The following PCDH9 variants were observed in gnomAD, a reference collection of about 807,000 sequenced individuals.
The protein encoded by PCDH9 is protocadherin-9.
PCDH9 carries 24 observed loss-of-function variants against 70.6 expected under a neutral mutation model. The ratio of observed to expected loss-of-function variants is 0.34; its 90% CI spans 0.25 to 0.48. The LOEUF is 0.48. Ranked by LOEUF, PCDH9 falls within the 20% of genes least tolerant of loss-of-function variation. The pLI, the probability that PCDH9 is intolerant of heterozygous loss-of-function variation, is 0.99. For missense variants in PCDH9, 1,281 were observed against 1,503.6 expected (o/e 0.85, Z 2.45); for synonymous variants, 562 against 558.5 (o/e 1.01, Z -0.09).
At chr13:66,334,800 C>T (rs919100058) in intron 4 of PCDH9, among the ~76,000 whole-genome samples, 1 of 151,938 alleles carries the variant, frequency 6.6e-6, no homozygotes, top group Non-Finnish European at 1.5e-5. Context: ...AAAAAAATTT[C>T]TTTTGATTCA....
At chr13:66,340,411 T>C (rs1956105850) in intron 4 of PCDH9, among the ~76,000 whole-genome samples, 1 of 152,182 alleles carries the variant, frequency 6.6e-6, no homozygotes, top group Non-Finnish European at 1.5e-5. Context: ...CCCAAACTAA[T>C]GGGCTTAAAT....
In PCDH9 at chr13:66,953,151, T is replaced by C. The variant is rs561763974; in HGVS notation, c.3037-49546A>G. On this transcript the variant is annotated intron_variant, in intron 2 of 4. Transcript: ENST00000377865. ...TTGAGAAAAAAATAAAGCCAGAACA[T>C]GTATTCACAAACATACATATATAAA... Among the ~76,000 whole-genome samples, 16 of 152,180 alleles carry C rather than the reference T, an allele frequency of 1.1e-4. No individual in the cohort carries two copies. In the South Asian group the frequency reaches 2.9e-3, roughly 28 times the overall value.
chr13:66,619,601 T>G (rs2077398533), intron 4 of PCDH9, among the ~76,000 whole-genome samples: 1 of 152,162 alleles, frequency 6.6e-6, no homozygotes, highest in Non-Finnish European at 1.5e-5. Context: ...GATAATTAAA[T>G]GTAGTAATTT....
chr13:66,332,515 G>A (rs1025053693), intron 4 of PCDH9, among the ~76,000 whole-genome samples: 1 of 152,078 alleles, frequency 6.6e-6, no homozygotes, highest in African/African-American at 2.4e-5. Context: ...ACAGACTGCA[G>A]TGCTGGTCTC....
At chr13:66,840,830 A>G in intron 3 of PCDH9, among the ~76,000 whole-genome samples, 1 of 152,240 alleles carries the variant, frequency 6.6e-6, no homozygotes, top group East Asian at 1.9e-4. Context: ...AGAGCAAAAC[A>G]GCTGGGAAAT....
chr13:66,646,955 G>A (rs1332694436), intron 3 of PCDH9, among the ~76,000 whole-genome samples: 1 of 152,144 alleles, frequency 6.6e-6, no homozygotes, highest in Non-Finnish European at 1.5e-5. Flanking sequence ...CCCTGTCACA[G>A]TGGAAAGCAA....
intron 4 of PCDH9, among the ~76,000 whole-genome samples, chr13:66,590,952 A>C (rs1025556736): frequency 2.6e-5 from 4 of 151,620 alleles, no homozygotes; most frequent in Non-Finnish European, 4.4e-5. Flanking sequence ...AACCCAAAAC[A>C]TGTGGTTCTG....
At chr13:66,823,799 T>C (rs2080759861) in intron 3 of PCDH9, among the ~76,000 whole-genome samples, 1 of 152,166 alleles carries the variant, frequency 6.6e-6, no homozygotes, top group Non-Finnish European at 1.5e-5. Context: ...TTGTACATTT[T>C]ATTTTCAGAC....
intron 3 of PCDH9, among the ~76,000 whole-genome samples, chr13:66,723,161 T>C (rs2078964128): frequency 6.6e-6 from 1 of 152,074 alleles, no homozygotes; most frequent in Non-Finnish European, 1.5e-5. Flanking sequence ...CATTTTCTAA[T>C]TAATATTCTA....
chr13:67,149,101 T>C (rs959830849), intron 2 of PCDH9, among the ~76,000 whole-genome samples: 1 of 152,170 alleles, frequency 6.6e-6, no homozygotes, highest in African/African-American at 2.4e-5. Flanking sequence ...ACCATAGCCC[T>C]TATAGACCGA....
At chr13:66,315,711 C>T (rs1474933313) in intron 4 of PCDH9, among the ~76,000 whole-genome samples, 1 of 152,170 alleles carries the variant, frequency 6.6e-6, no homozygotes, top group Non-Finnish European at 1.5e-5. Flanking sequence ...GAACTCCCGA[C>T]CTCAGGTGAT....
chr13:66,304,619 T>C lies in PCDH9; in HGVS notation c.*36A>G. 1 of 1,563,240 alleles carries C rather than the reference T, an allele frequency of 6.4e-7. No individual in the cohort carries two copies. Among genetic ancestry groups the C allele is most frequent in the Non-Finnish European group, 8.8e-7 (1 of 1,137,628 alleles). On this transcript the variant is annotated 3_prime_UTR_variant, in exon 5 of 5. Transcript: ENST00000377865. Reference sequence around the variant, plus strand: ...CTCTGACGCACACGGTATTAGCATGTCTATTTAAAGTTATTAGGTCCCATA... The same window carrying C: ...CTCTGACGCACACGGTATTAGCATGCCTATTTAAAGTTATTAGGTCCCATA...
chr13:66,406,180 A>C (rs549982207), intron 4 of PCDH9, among the ~76,000 whole-genome samples: 1 of 152,306 alleles, frequency 6.6e-6, no homozygotes, highest in South Asian at 2.1e-4. Flanking sequence ...ATTAAGCATC[A>C]GATGAATGCA....
intron 3 of PCDH9, among the ~76,000 whole-genome samples, chr13:66,864,036 CT>C (rs1303098693): frequency 6.6e-6 from 1 of 152,040 alleles, no homozygotes. Flanking sequence ...GGAAAAGCCC[CT>C]TATAAAACCA....
At chr13:66,777,087 C>A (rs948207026) in intron 3 of PCDH9, among the ~76,000 whole-genome samples, 6 of 150,282 alleles carry the variant, frequency 4.0e-5, no homozygotes, top group Non-Finnish European at 9.0e-5. Flanking sequence ...ATGTAGAAAG[C>A]TGAAACTGGA....
rs555503932 is a variant in PCDH9 at position 67,065,171 on chromosome 13, C to A, written c.3036+160234G>T. On this transcript the variant is annotated intron_variant, in intron 2 of 4. Coordinates refer to ENST00000377865, the MANE Select transcript of PCDH9 (RefSeq NM_203487.3). ...CTTACATGATGTTAATCATGCATTC[C>A]ATCATTCTTTTATTGCAAGCCCACT... Among the ~76,000 whole-genome samples, 3 of 152,014 alleles carry A rather than the reference C, an allele frequency of 2.0e-5. No individual in the cohort carries two copies. The South Asian group carries it at 6.2e-4, about 32-fold the overall frequency.
chr13:66,668,955 G>T (rs2078134265), intron 3 of PCDH9, among the ~76,000 whole-genome samples: 4 of 152,188 alleles, frequency 2.6e-5, no homozygotes, highest in South Asian at 4.1e-4. Flanking sequence ...TAATTTGATA[G>T]ACCTAGAATT....
At chr13:66,306,530 TA>T (rs1412096690) in intron 4 of PCDH9, among the ~76,000 whole-genome samples, 1 of 151,356 alleles carries the variant, frequency 6.6e-6, no homozygotes, top group Non-Finnish European at 1.5e-5. Context: ...CCCCAAAAAC[TA>T]TTGATATAAA....
rs537386024 is a variant in PCDH9, at chr13:66,958,731, CA to C, written c.3037-55127del. Among the ~76,000 whole-genome samples the C allele has an allele frequency of 3.1e-3, 472 of 152,202 alleles. 5 individuals are homozygous for C. Among genetic ancestry groups the C allele is most frequent in the African/African-American group, 0.011 (458 of 41,532 alleles). ...TCTGAGAGCATTTCTATATTAGGCA[CA>C]GAGCTTTGCTGCTGTTTTTAAGCTA... On this transcript the variant is annotated intron_variant, in intron 2 of 4. Coordinates refer to ENST00000377865, the MANE Select transcript of PCDH9 (RefSeq NM_203487.3).
Sources: allele counts gnomAD v4.1 joint callset (sites outside exome capture counted in the v4.1 genomes callset), GRCh38; gene constraint gnomAD v4.1.1; transcripts MANE v1.5; gene names NCBI Gene and HGNC (gene_info 2026-07-23, HGNC 2026-07-21).